TMCC1: variants seen among roughly 807,000 people sequenced by gnomAD.
The protein encoded by TMCC1 is transmembrane and coiled-coil domains protein 1.
In TMCC1, 15 loss-of-function variants were observed where a neutral mutation model predicts 52.4. That is an observed-to-expected ratio of 0.29 (90% confidence interval 0.19 to 0.44). The LOEUF (loss-of-function observed/expected upper bound fraction) is 0.44. Ranked by LOEUF, TMCC1 falls within the 20% of genes least tolerant of loss-of-function variation. The pLI, the probability that TMCC1 is intolerant of heterozygous loss-of-function variation, is 1.00. For missense variants in TMCC1, 503 were observed against 806.0 expected (o/e 0.62, Z 4.55); for synonymous variants, 279 against 301.9 (o/e 0.92, Z 0.79).
At chr3:129,702,247 TTG>T (rs1285957237) in intron 4 of TMCC1, among the ~76,000 whole-genome samples, 5 of 146,140 alleles carry the variant, frequency 3.4e-5, no homozygotes, top group African/African-American at 1.4e-4. Flanking sequence ...TGGTCCCCAA[TTG>T]TTTTTTTTTT....
intron 4 of TMCC1, among the ~76,000 whole-genome samples, chr3:129,731,035 GAGA>G (rs918571407): frequency 1.3e-5 from 2 of 152,124 alleles, no homozygotes; most frequent in African/African-American, 4.8e-5. Context: ...ATTAAACCCG[GAGA>G]AGATCTGTTA....
chr3:129,824,174 A>G lies in TMCC1; in HGVS notation c.576+3629T>C, dbSNP rs144814592. On this transcript the variant is annotated intron_variant, in intron 4 of 6. Coordinates refer to ENST00000393238, the MANE Select transcript of TMCC1 (RefSeq NM_001017395.5). ...AAAATGGTAAAACCCTGTCTCTACT[A>G]AAAATACAAAAATTAGCTGGGTATG... Among the ~76,000 whole-genome samples, 50 of 152,286 alleles carry G rather than the reference A, an allele frequency of 3.3e-4. 2 individuals carry two copies. The East Asian group carries it at 3.9e-3, about 12-fold the overall frequency.
At position 129,671,245 on chromosome 3, in the gene TMCC1, C is replaced by T. The variant is rs2087913016; in HGVS notation, c.596G>A (p.Ser199Asn). 6.2e-7 allele frequency: 1 copy of T among 1,611,852 alleles called. No homozygotes were observed. The highest frequency in any genetic ancestry group is 8.5e-7 in the Non-Finnish European group (1 of 1,178,494). ...TGCACTGGATGTTTGGGCAAGGCTG[C>T]TTACTTCCAACCGTTCGATCTAGTG... is the stretch of plus-strand genomic sequence containing the variant. The part of the protein sequence containing the change: ...TAERIERLEV[S>N]SLAQTSSAVA... The change falls in exon 5 of 7, where the codon AGC becomes AAC. Residue 199 changes from serine to asparagine, a missense_variant. Ser to Asn is a conservative substitution (Grantham distance 46, BLOSUM62 1). This residue lies in a region of TMCC1 where 217 missense variants were observed against 297.9 expected (regional missense o/e 0.73). Coordinates refer to ENST00000393238, the MANE Select transcript of TMCC1 (RefSeq NM_001017395.5).
At chr3:129,716,201 T>C (rs1457339349) in intron 4 of TMCC1, among the ~76,000 whole-genome samples, 2 of 76,334 alleles carry the variant, frequency 2.6e-5, no homozygotes, top group Middle Eastern at 6.6e-3. Context: ...TAGCTTTTGT[T>C]GCCCAGGTTG....
chr3:129,707,058 T>C (rs1254060689), intron 4 of TMCC1, among the ~76,000 whole-genome samples: 2 of 152,008 alleles, frequency 1.3e-5, no homozygotes, highest in Non-Finnish European at 2.9e-5. Context: ...AGCGTAGAAA[T>C]AGGGCAAAAC....
intron 4 of TMCC1, among the ~76,000 whole-genome samples, chr3:129,767,337 G>A (rs1262397946): frequency 6.7e-6 from 1 of 150,300 alleles, no homozygotes; most frequent in African/African-American, 2.4e-5. Flanking sequence ...ACAACTTTCA[G>A]CACATTCACA....
chr3:129,807,660 G>T (rs1302575512), intron 4 of TMCC1, among the ~76,000 whole-genome samples: 1 of 152,170 alleles, frequency 6.6e-6, no homozygotes, highest in Non-Finnish European at 1.5e-5. Flanking sequence ...AATGGCACCA[G>T]ATTTTTTGTC....
chr3:129,844,973 T>TCCTA (rs2059592358), intron 2 of TMCC1, among the ~76,000 whole-genome samples: 1 of 152,154 alleles, frequency 6.6e-6, no homozygotes, highest in Non-Finnish European at 1.5e-5. Flanking sequence ...AGATTATGAA[T>TCCTA]CCTAGCCTAT....
intron 4 of TMCC1, among the ~76,000 whole-genome samples, chr3:129,743,276 G>A (rs953103479): frequency 3.3e-5 from 5 of 152,126 alleles, no homozygotes; most frequent in Admixed American, 6.5e-5. Flanking sequence ...CATCTTTGAA[G>A]CTTCTTAAGA....
intron 4 of TMCC1, among the ~76,000 whole-genome samples, chr3:129,750,720 G>T (rs918705335): frequency 6.7e-6 from 1 of 149,448 alleles, no homozygotes; most frequent in Admixed American, 6.6e-5. Flanking sequence ...GACTACAGGG[G>T]CCTGCCACCA....
At chr3:129,833,469 T>C (rs980566413) in intron 2 of TMCC1, among the ~76,000 whole-genome samples, 2 of 152,116 alleles carry the variant, frequency 1.3e-5, no homozygotes, top group African/African-American at 2.4e-5. Context: ...ACTTGGGAGA[T>C]TGAGGCAAGA....
intron 4 of TMCC1, among the ~76,000 whole-genome samples, chr3:129,777,009 A>G (rs988875520): frequency 1.3e-5 from 2 of 152,178 alleles, no homozygotes; most frequent in Non-Finnish European, 1.5e-5. Context: ...TATACATTCA[A>G]CGAACGTATT....
At chr3:129,838,750 CTCA>C (rs2059283944) in intron 2 of TMCC1, among the ~76,000 whole-genome samples, 1 of 47,616 alleles carries the variant, frequency 2.1e-5, no homozygotes, top group African/African-American at 9.9e-5. Flanking sequence ...AAGACTCTGT[CTCA>C]AAAAAAAAAA....
At chr3:129,691,291 T>C (rs2047012069) in intron 4 of TMCC1, among the ~76,000 whole-genome samples, 2 of 152,194 alleles carry the variant, frequency 1.3e-5, no homozygotes, top group African/African-American at 4.8e-5. Context: ...CTCATACTTA[T>C]AATCCCAGCA....
chr3:129,861,287 A>C (rs1366274392), intron 2 of TMCC1, among the ~76,000 whole-genome samples: 1 of 152,018 alleles, frequency 6.6e-6, no homozygotes, highest in Non-Finnish European at 1.5e-5. Flanking sequence ...AAAAATACAA[A>C]AATTTAGCTG....
intron 4 of TMCC1, among the ~76,000 whole-genome samples, chr3:129,773,588 G>A (rs189295768): frequency 1.3e-5 from 2 of 152,206 alleles, no homozygotes; most frequent in Admixed American, 6.5e-5. Flanking sequence ...GAACAAATAA[G>A]CCCAACAATA....
chr3:129,783,368 C>G (rs2055697811), intron 4 of TMCC1, among the ~76,000 whole-genome samples: 1 of 152,112 alleles, frequency 6.6e-6, no homozygotes, highest in Non-Finnish European at 1.5e-5. Flanking sequence ...TCCTAAATCT[C>G]AAGGTCAAGG....
chr3:129,760,454 CTGTGTGTGTGTGTG>C (rs61394124), intron 4 of TMCC1, among the ~76,000 whole-genome samples: 88 of 129,038 alleles, frequency 6.8e-4, no homozygotes, highest in African/African-American at 2.1e-3. Context: ...CAGTCTCGCT[CTGTGTGTGTGTGTG>C]TGTGTGTGTG....
intron 2 of TMCC1, among the ~76,000 whole-genome samples, chr3:129,873,530 A>T (rs2061036891): frequency 6.6e-6 from 1 of 152,052 alleles, no homozygotes; most frequent in South Asian, 2.1e-4. Context: ...AATTTTTTAA[A>T]CTACCCAGGC....
Sources: gnomAD v4.1 joint callset for allele counts (sites outside exome capture counted in the v4.1 genomes callset) on GRCh38, gnomAD v4.1.1 for gene constraint, gnomAD v4.1.1 regional missense constraint, MANE v1.5 for transcripts, NCBI Gene and HGNC (gene_info 2026-07-23, HGNC 2026-07-21) for gene names.